Variants in ROBO1 observed in about 807,000 individuals in gnomAD.
ROBO1 encodes the protein roundabout homolog 1.
Under a neutral mutation model 195.9 loss-of-function variants are expected in ROBO1, and 149 were observed. That is an observed-to-expected ratio of 0.76 (90% CI 0.67 to 0.87). The LOEUF is 0.87. Among genes scored for constraint, ROBO1 ranks in the 40% least tolerant of loss-of-function variants. The pLI, the probability that ROBO1 is intolerant of heterozygous loss-of-function variation, is 0.00. For synonymous variants in ROBO1, 816 were observed against 733.2 expected, an observed-to-expected ratio of 1.11 and a Z score of -1.82; for missense variants, 1,933 against 2,068.3, an observed-to-expected ratio of 0.93 and a Z score of 1.27.
chr3:78,832,124 T>A (rs950285365), intron 4 of ROBO1, among the ~76,000 whole-genome samples: 1 of 152,198 alleles, frequency 6.6e-6, no homozygotes, highest in Non-Finnish European at 1.5e-5. Flanking sequence ...TGAAGCTGTT[T>A]TAAATTTTCA....
chr3:78,608,306 A>G (rs933226453), intron 28 of ROBO1, among the ~76,000 whole-genome samples: 1 of 151,872 alleles, frequency 6.6e-6, no homozygotes, highest in Non-Finnish European at 1.5e-5. Flanking sequence ...GGGTTTCACT[A>G]TGTTGCTCAG....
chr3:79,534,713 C>A (rs1037405676), intron 2 of ROBO1, among the ~76,000 whole-genome samples: 2 of 152,080 alleles, frequency 1.3e-5, no homozygotes, highest in Non-Finnish European at 2.9e-5. Context: ...GCTGTTGTTC[C>A]CTCATCAAAC....
chr3:78,769,124 C>A (rs1559835593), intron 4 of ROBO1, among the ~76,000 whole-genome samples: 1 of 152,066 alleles, frequency 6.6e-6, no homozygotes, highest in East Asian at 1.9e-4. Context: ...TGTTGACTTT[C>A]TGTCTTGATA....
intron 10 of ROBO1, among the ~76,000 whole-genome samples, chr3:78,670,995 C>A (rs1204019739): frequency 6.6e-6 from 1 of 152,138 alleles, no homozygotes; most frequent in Non-Finnish European, 1.5e-5. Flanking sequence ...GATGTTCTAA[C>A]TTGGCAAACA....
chr3:79,508,528 C>A (rs1334635547), intron 2 of ROBO1, among the ~76,000 whole-genome samples: 2 of 152,146 alleles, frequency 1.3e-5, no homozygotes, highest in Admixed American at 6.5e-5. Flanking sequence ...TACCATTGCT[C>A]AATAGAATGC....
chr3:79,532,592 C>CA (rs1403301364), intron 2 of ROBO1, among the ~76,000 whole-genome samples: 1 of 151,562 alleles, frequency 6.6e-6, no homozygotes. Context: ...GAGCAACAGG[C>CA]AACACATATT....
In ROBO1 at chr3:79,105,860, G is replaced by A. The variant is rs980544166; in HGVS notation, c.172+19596C>T. On this transcript the variant is annotated intron_variant, in intron 3 of 30. Transcript: ENST00000464233. The stretch of plus-strand genomic sequence containing the variant: ...ACCAGTTGGTGTTTATGAAGCTCCT[G>A]CTGTGTATATAGGTTTGGGAAATAT... Among the ~76,000 whole-genome samples, 11 of 151,734 alleles carry A rather than the reference G, an allele frequency of 7.2e-5. No individual in the cohort carries two copies. In the Admixed American group the frequency reaches 7.3e-4, roughly 10 times the overall value.
Position 78,772,559 on chromosome 3 carries a change from A to AT in ROBO1, c.500-25660dup, listed in dbSNP as rs533926744. Among the ~76,000 whole-genome samples the AT allele has an allele frequency of 8.5e-5, 13 of 152,174 alleles. No individual in the cohort carries two copies. In the East Asian group the frequency reaches 1.5e-3, roughly 18 times the overall value. On this transcript the variant is annotated intron_variant, in intron 4 of 30. Transcript: ENST00000464233. ...CCTTTGAAATAATTCTAAGATTCTG[A>AT]TTTTTTTACAGGTAAATCTATGTTC...
intron 2 of ROBO1, among the ~76,000 whole-genome samples, chr3:79,327,551 T>C (rs2109155198): frequency 6.6e-6 from 1 of 152,138 alleles, no homozygotes; most frequent in Middle Eastern, 3.4e-3. Flanking sequence ...ATTAATCAGA[T>C]TTTTATAACT....
At chr3:79,585,292 G>A (rs1399789662) in intron 2 of ROBO1, among the ~76,000 whole-genome samples, 2 of 151,728 alleles carry the variant, frequency 1.3e-5, no homozygotes, top group Non-Finnish European at 2.9e-5. Flanking sequence ...TTTTACTAAC[G>A]CTTTGACAAA....
intron 4 of ROBO1, among the ~76,000 whole-genome samples, chr3:78,816,625 A>G (rs1302707869): frequency 6.6e-6 from 1 of 151,780 alleles, no homozygotes; most frequent in Non-Finnish European, 1.5e-5. Context: ...GGAGGCCAAC[A>G]TATCAACATT....
chr3:78,863,272 C>T (rs1198287339), intron 4 of ROBO1, among the ~76,000 whole-genome samples: 3 of 152,154 alleles, frequency 2.0e-5, no homozygotes, highest in Admixed American at 2.0e-4. Flanking sequence ...AATTTAGAGA[C>T]AAATATTATC....
At position 78,791,071 on chromosome 3, in the gene ROBO1, G is replaced by A. The variant is rs76693478; in HGVS notation, c.500-44171C>T. On this transcript the variant is annotated intron_variant, in intron 4 of 30. Transcript: ENST00000464233. ...ATGGATCTTCCCTCAGTCTCGTGGAGGAGACACAGAAAGACCAGATCAAAC... is the reference window on the plus strand; with the variant it reads ...ATGGATCTTCCCTCAGTCTCGTGGAAGAGACACAGAAAGACCAGATCAAAC... 1.1e-4 allele frequency among the ~76,000 whole-genome samples: 17 copies of A among 152,318 alleles called. 1 individual carries two copies. In the East Asian group the frequency reaches 3.3e-3, roughly 29 times the overall value.
chr3:79,458,553 G>A (rs746070001), intron 2 of ROBO1, among the ~76,000 whole-genome samples: 2 of 151,808 alleles, frequency 1.3e-5, no homozygotes, highest in Non-Finnish European at 2.9e-5. Context: ...CAAGAAAGAC[G>A]CCACTCTAGG....
At chr3:79,147,921 A>G (rs560560555) in intron 2 of ROBO1, among the ~76,000 whole-genome samples, 1 of 152,072 alleles carries the variant, frequency 6.6e-6, no homozygotes, top group South Asian at 2.1e-4. Flanking sequence ...AACTTTAGGT[A>G]TCTTTCCATG....
chr3:79,167,826 G>A (rs1471850179), intron 2 of ROBO1, among the ~76,000 whole-genome samples: 1 of 152,182 alleles, frequency 6.6e-6, no homozygotes, highest in East Asian at 1.9e-4. Flanking sequence ...ACTCAGGCAA[G>A]TTATTTGAAT....
At chr3:79,130,040 A>G (rs2080298803) in intron 2 of ROBO1, among the ~76,000 whole-genome samples, 1 of 68,312 alleles carries the variant, frequency 1.5e-5, no homozygotes, top group African/African-American at 5.9e-5. Context: ...ATTGATCTAT[A>G]TCTCTGTTTT....
Position 79,330,056 on chromosome 3 carries a change from G to T in ROBO1, c.89-204517C>A, listed in dbSNP as rs187615504. Among the ~76,000 whole-genome samples the T allele has an allele frequency of 4.6e-5, 7 of 151,610 alleles. No homozygotes were observed. In the East Asian group the frequency reaches 1.2e-3, roughly 25 times the overall value. Reference sequence around the variant, plus strand: ...ATTATATGTACTAATATCCTGATTTGTACACTAGTAAAATTAGTAATTTAA... The same window carrying T: ...ATTATATGTACTAATATCCTGATTTTTACACTAGTAAAATTAGTAATTTAA... On this transcript the variant is annotated intron_variant, in intron 2 of 30. Transcript: ENST00000464233.
chr3:78,890,396 A>C (rs1291364022), intron 4 of ROBO1, among the ~76,000 whole-genome samples: 2 of 152,092 alleles, frequency 1.3e-5, no homozygotes, highest in African/African-American at 2.4e-5. Flanking sequence ...GCTTGTATGC[A>C]CCAAAGGAAG....
Sources: gnomAD v4.1 joint callset for allele counts (sites outside exome capture counted in the v4.1 genomes callset) on GRCh38, gnomAD v4.1.1 for gene constraint, MANE v1.5 for transcripts, NCBI Gene and HGNC (gene_info 2026-07-23, HGNC 2026-07-21) for gene names.